Variants in MTUS2 observed in about 807,000 individuals in gnomAD.
MTUS2 encodes microtubule-associated tumor suppressor candidate 2.
Under a neutral mutation model 114.1 loss-of-function variants are expected in MTUS2, and 40 were observed. That is an observed-to-expected ratio of 0.35 (90% confidence interval 0.27 to 0.46). The LOEUF is 0.46. MTUS2 is among the 20% of genes least tolerant of loss of function. The pLI is 1.00. For synonymous variants in MTUS2, 688 were observed against 672.0 expected (o/e 1.02, Z -0.37); for missense variants, 1,679 against 1,705.4 (o/e 0.98, Z 0.27).
chr13:29,389,632 C>CAT (rs1566173789), intron 8 of MTUS2, among the ~76,000 whole-genome samples: 1 of 119,722 alleles, frequency 8.4e-6, no homozygotes, highest in Admixed American at 7.9e-5. Context: ...TATATGTATA[C>CAT]ACATATGTGT....
intron 2 of MTUS2, among the ~76,000 whole-genome samples, chr13:28,931,909 A>G (rs564772465): frequency 2.2e-4 from 34 of 152,064 alleles, no homozygotes; most frequent in African/African-American, 5.1e-4. Context: ...ATTCCCACCT[A>G]TGAGTGAGAA....
chr13:29,015,365 C>A (rs184806325), intron 2 of MTUS2, among the ~76,000 whole-genome samples: 7 of 151,974 alleles, frequency 4.6e-5, no homozygotes, highest in Non-Finnish European at 1.0e-4. Flanking sequence ...AGGGATGGAG[C>A]GGGAAGTGGG....
intron 2 of MTUS2, among the ~76,000 whole-genome samples, chr13:28,947,470 GTT>G (rs1566244051): frequency 1.1e-4 from 17 of 152,128 alleles, no homozygotes; most frequent in Non-Finnish European, 2.4e-4. Context: ...ACCTCAATAT[GTT>G]TGCGAATGAC....
At chr13:29,061,695 G>A (rs1785812402) in intron 4 of MTUS2, among the ~76,000 whole-genome samples, 1 of 152,202 alleles carries the variant, frequency 6.6e-6, no homozygotes, top group South Asian at 2.1e-4. Context: ...CAGAGAGATA[G>A]GGCAATGACT....
chr13:29,489,268 A>G (rs1402624423), intron 11 of MTUS2, among the ~76,000 whole-genome samples: 2 of 152,100 alleles, frequency 1.3e-5, no homozygotes, highest in Non-Finnish European at 2.9e-5. Context: ...CTCCGCCTCA[A>G]AAAAAAAGTG....
intron 5 of MTUS2, among the ~76,000 whole-genome samples, chr13:29,144,438 A>G (rs1892348975): frequency 1.3e-5 from 2 of 151,116 alleles, no homozygotes; most frequent in Admixed American, 6.6e-5. Context: ...GTCGTGGCTC[A>G]CTGCATCCTT....
chr13:29,451,863 A>G (rs898313800), intron 9 of MTUS2, among the ~76,000 whole-genome samples: 3 of 152,212 alleles, frequency 2.0e-5, no homozygotes, highest in Admixed American at 6.5e-5. Flanking sequence ...TGCTGGGATT[A>G]TAGGCATGAG....
chr13:28,974,632 G>A (rs1884006317), intron 2 of MTUS2, among the ~76,000 whole-genome samples: 2 of 152,148 alleles, frequency 1.3e-5, no homozygotes, highest in South Asian at 4.1e-4. Flanking sequence ...ATAAATGTTT[G>A]TCCAATCAAT....
chr13:29,150,756 G>A (rs1892631968), intron 5 of MTUS2, among the ~76,000 whole-genome samples: 1 of 152,134 alleles, frequency 6.6e-6, no homozygotes, highest in African/African-American at 2.4e-5. Context: ...AGGTGCATAT[G>A]GCTGGCCAGC....
At chr13:29,199,056 T>C (rs1273895956) in intron 5 of MTUS2, among the ~76,000 whole-genome samples, 6 of 152,224 alleles carry the variant, frequency 3.9e-5, no homozygotes. Context: ...ATCCTTTATT[T>C]CTTTCTCTTG....
chr13:29,146,355 A>T (rs1892433861), intron 5 of MTUS2, among the ~76,000 whole-genome samples: 1 of 152,246 alleles, frequency 6.6e-6, no homozygotes, highest in Non-Finnish European at 1.5e-5. Context: ...AAAATGATGT[A>T]ACTTTAAGAA....
intron 2 of MTUS2, among the ~76,000 whole-genome samples, chr13:28,912,374 C>G (rs1378457198): frequency 6.6e-6 from 1 of 152,100 alleles, no homozygotes; most frequent in East Asian, 1.9e-4. Flanking sequence ...ATCTATGTAT[C>G]TATTCTTGTA....
At chr13:28,835,641 T>C (rs778956957) in intron 1 of MTUS2, among the ~76,000 whole-genome samples, 17 of 152,232 alleles carry the variant, frequency 1.1e-4, no homozygotes, top group Non-Finnish European at 1.9e-4. Context: ...AGATCATGAA[T>C]TTTATGGTAT....
chr13:28,872,311 C>T lies in MTUS2; in HGVS notation c.-243+32461C>T, dbSNP rs2138104903. Among the ~76,000 whole-genome samples, 2 of 152,094 alleles carry T rather than the reference C, an allele frequency of 1.3e-5. 1 individual carries two copies. The highest frequency in any genetic ancestry group is 4.2e-4 in the South Asian group (2 of 4,818). On this transcript the variant is annotated intron_variant, in intron 2 of 15. Transcript: ENST00000612955. The stretch of plus-strand genomic sequence containing the variant: ...TGAACAGCACTCCTAGGTTTTTGTC[C>T]TGAGCATTTGAGTAGATACGATGGC...
At chr13:28,933,757 A>G (rs1881748132) in intron 2 of MTUS2, among the ~76,000 whole-genome samples, 1 of 152,234 alleles carries the variant, frequency 6.6e-6, no homozygotes, top group Admixed American at 6.5e-5. Flanking sequence ...ACAAATGCTC[A>G]GGGTCATAAG....
intron 2 of MTUS2, among the ~76,000 whole-genome samples, chr13:29,013,511 T>A (rs1190517240): frequency 6.6e-6 from 1 of 152,236 alleles, no homozygotes; most frequent in African/African-American, 2.4e-5. Flanking sequence ...ATTTTAGGTA[T>A]TATTTTACCC....
At chr13:29,028,629 T>C (rs1886673870) in intron 3 of MTUS2, among the ~76,000 whole-genome samples, 1 of 151,942 alleles carries the variant, frequency 6.6e-6, no homozygotes, top group Non-Finnish European at 1.5e-5. Context: ...TGTTATCTCC[T>C]TGGGAAGGCC....
intron 8 of MTUS2, among the ~76,000 whole-genome samples, chr13:29,364,370 C>T (rs1170268077): frequency 6.6e-6 from 1 of 151,948 alleles, no homozygotes; most frequent in African/African-American, 2.4e-5. Flanking sequence ...GCCCCCGCTC[C>T]CTGCATATCT....
At position 29,393,745 on chromosome 13, in the gene MTUS2, A is replaced by G. The variant is rs188144332; in HGVS notation, c.3117+34272A>G. Reference sequence around the variant, plus strand: ...TGACGACATGTGCCCAAGATAGTCCAAGAACAGCTTGGTTTTATATATTTT... The same window carrying G: ...TGACGACATGTGCCCAAGATAGTCCGAGAACAGCTTGGTTTTATATATTTT... On this transcript the variant is annotated intron_variant, in intron 8 of 15. Transcript: ENST00000612955. Among the ~76,000 whole-genome samples the G allele has an allele frequency of 4.6e-5, 7 of 152,308 alleles. No homozygotes were observed. In the East Asian group the frequency reaches 1.4e-3, roughly 29 times the overall value.
Sources: allele counts gnomAD v4.1 joint callset (sites outside exome capture counted in the v4.1 genomes callset), GRCh38; gene constraint gnomAD v4.1.1; transcripts MANE v1.5; gene names NCBI Gene and HGNC (gene_info 2026-07-23, HGNC 2026-07-21).